SPTBN1: variants seen among roughly 807,000 people sequenced by gnomAD.
SPTBN1 encodes spectrin beta, non-erythrocytic 1.
A neutral mutation model predicts 266.4 loss-of-function variants in SPTBN1; 32 were observed. The ratio of observed to expected loss-of-function variants is 0.12; its 90% confidence interval spans 0.09 to 0.16. SPTBN1 has a LOEUF of 0.16. SPTBN1 is among the 10% of genes least tolerant of loss of function. SPTBN1 has a pLI of 1.00. For synonymous variants in SPTBN1, 1,336 were observed against 1,162.2 expected (o/e 1.15, Z -3.04); for missense variants, 2,296 against 3,067.1 (o/e 0.75, Z 5.94).
At chr2:54,535,585 C>T (rs188015663) in intron 2 of SPTBN1, among the ~76,000 whole-genome samples, 3 of 152,340 alleles carry the variant, frequency 2.0e-5, no homozygotes, top group Non-Finnish European at 4.4e-5. Flanking sequence ...TACCTTATTT[C>T]TGTCTCTGCT....
At chr2:54,461,316 C>T (rs1200943552) in intron 1 of SPTBN1, among the ~76,000 whole-genome samples, 1 of 152,120 alleles carries the variant, frequency 6.6e-6, no homozygotes, top group African/African-American at 2.4e-5. Flanking sequence ...GTATAGTATT[C>T]TAACGTGATT....
intron 2 of SPTBN1, among the ~76,000 whole-genome samples, chr2:54,563,024 G>A (rs938713441): frequency 2.0e-5 from 3 of 152,168 alleles, no homozygotes; most frequent in Non-Finnish European, 4.4e-5. Flanking sequence ...ACATACCTGT[G>A]AAGTTTTAGA....
In SPTBN1 at chr2:54,631,558, T is replaced by C. The variant is rs768973722; in HGVS notation, c.3511T>C (p.Tyr1171His). The stretch of plus-strand genomic sequence containing the variant: ...AAATCTCCTATCCCAGTCACATGCC[T>C]ACCAGCAGTTCCTCAGAGACACGAA... ...RQNLLSQSHA[Y>H]QQFLRDTKQA... Residue 1171 changes from tyrosine to histidine, a missense_variant, in exon 16 of 36, where the codon TAC becomes CAC. Coordinates refer to ENST00000356805, the MANE Select transcript of SPTBN1 (RefSeq NM_003128.3). 6.2e-7 allele frequency: 1 copy of C among 1,614,078 alleles called. No homozygotes were observed.
At chr2:54,466,982 TG>T (rs1045586715) in intron 1 of SPTBN1, among the ~76,000 whole-genome samples, 1 of 152,146 alleles carries the variant, frequency 6.6e-6, no homozygotes, top group African/African-American at 2.4e-5. Flanking sequence ...ATGCAGAGTG[TG>T]GGAAAAGCTC....
At chr2:54,472,685 A>C (rs1345944812) in intron 1 of SPTBN1, among the ~76,000 whole-genome samples, 2 of 150,070 alleles carry the variant, frequency 1.3e-5, no homozygotes, top group Non-Finnish European at 3.0e-5. Context: ...TCAAGGTTGC[A>C]GGGGGTGTGG....
intron 11 of SPTBN1, 96 bp downstream of exon 11, chr2:54,625,058 C>T (rs1308739372): frequency 1.3e-5 from 18 of 1,414,378 alleles, no homozygotes; most frequent in Middle Eastern, 2.0e-4. Context: ...AGCTGCTTAT[C>T]GACATTCATT....
At chr2:54,588,012 G>C (rs1388136094) in intron 2 of SPTBN1, among the ~76,000 whole-genome samples, 2 of 152,192 alleles carry the variant, frequency 1.3e-5, no homozygotes, top group East Asian at 3.9e-4. Context: ...GTACCTATTT[G>C]CTAAGCTGAT....
rs547586342 is a variant in SPTBN1 at position 54,630,551 on chromosome 2, A to C, written c.2808-304A>C. On this transcript the variant is annotated intron_variant, in intron 15 of 35. Coordinates refer to ENST00000356805, the MANE Select transcript of SPTBN1 (RefSeq NM_003128.3). ...CATTAGGTAGAGTTCAGAGATGTGT[A>C]AAATGTGTCACAGACATGAATTAAT... is the stretch of plus-strand genomic sequence containing the variant. 2.6e-5 allele frequency among the ~76,000 whole-genome samples: 4 copies of C among 152,362 alleles called. No homozygotes were observed. In the East Asian group the frequency reaches 7.7e-4, roughly 29 times the overall value.
chr2:54,546,663 C>T (rs1292520500), intron 2 of SPTBN1: 1 of 152,178 alleles, frequency 6.6e-6, no homozygotes, highest in Admixed American at 6.5e-5. Context: ...CTGATAAACT[C>T]TATCGCACTG....
chr2:54,611,598 C>T (rs1479186519), intron 3 of SPTBN1, among the ~76,000 whole-genome samples: 1 of 152,136 alleles, frequency 6.6e-6, no homozygotes, highest in African/African-American at 2.4e-5. Context: ...GCACTACACT[C>T]ATTTTTTTCC....
intron 7 of SPTBN1, among the ~76,000 whole-genome samples, chr2:54,618,473 G>A (rs1677779291): frequency 6.6e-6 from 1 of 152,188 alleles, no homozygotes; most frequent in South Asian, 2.1e-4. Context: ...GTATGCTTGA[G>A]GGCTAACAAT....
rs568456321 is a variant in SPTBN1, at chr2:54,489,059, G to T, written c.-48+32541G>T. ...TAATTGGCCAGACATGGTAGCTCAT[G>T]CCTGTAATCCCAGCACTTGGGGAGG... On this transcript the variant is annotated intron_variant, in intron 1 of 35. Transcript: ENST00000356805. 1.8e-3 allele frequency among the ~76,000 whole-genome samples: 273 copies of T among 151,626 alleles called. 2 individuals carry two copies. The highest frequency in any genetic ancestry group is 3.1e-3 in the Non-Finnish European group (208 of 67,952).
chr2:54,669,409 C>T lies in SPTBN1; in HGVS notation c.*840C>T, dbSNP rs1273086676. On this transcript the variant is annotated 3_prime_UTR_variant, in exon 36 of 36. Coordinates refer to ENST00000356805, the MANE Select transcript of SPTBN1 (RefSeq NM_003128.3). ...AATGTTACTCTAATGGTTACTTGCTCGTGCGTTGCCACACTGTGTTATAAT... is the reference window on the plus strand; with the variant it reads ...AATGTTACTCTAATGGTTACTTGCTTGTGCGTTGCCACACTGTGTTATAAT... 6.6e-6 allele frequency: 1 copy of T among 152,612 alleles called. No homozygotes were observed. Among genetic ancestry groups the T allele is most frequent in the African/African-American group, 2.4e-5 (1 of 41,440 alleles). The allele number at this position is 152,612 out of a possible 1,614,324, so 9.5% of individuals were successfully genotyped here. A position where few individuals can be genotyped will look rare whatever the true frequency, so the allele number is the denominator to read the frequency against.
intron 18 of SPTBN1, among the ~76,000 whole-genome samples, chr2:54,641,765 G>T (rs1193663640): frequency 1.3e-5 from 2 of 150,118 alleles, no homozygotes; most frequent in African/African-American, 2.5e-5. Flanking sequence ...GAGGGCTCCT[G>T]TGACCCACGT....
intron 28 of SPTBN1, among the ~76,000 whole-genome samples, chr2:54,655,580 G>A (rs758660467): frequency 1.3e-5 from 2 of 152,254 alleles, no homozygotes; most frequent in Non-Finnish European, 2.9e-5. Context: ...AGGTGCGTGT[G>A]TGGCCCCCTG....
intron 26 of SPTBN1, chr2:54,652,768 T>TTACA (rs1356199119): frequency 6.6e-6 from 1 of 152,248 alleles, no homozygotes; most frequent in Non-Finnish European, 1.5e-5. Flanking sequence ...AGATGACACA[T>TTACA]TACAGTATCT....
At chr2:54,644,999 T>G (rs555434712) in intron 20 of SPTBN1, among the ~76,000 whole-genome samples, 37 of 152,376 alleles carry the variant, frequency 2.4e-4, no homozygotes, top group Middle Eastern at 3.4e-3. Context: ...TAAAAATAAC[T>G]GTTTATATTA....
intron 2 of SPTBN1, among the ~76,000 whole-genome samples, chr2:54,535,305 T>A (rs1224666361): frequency 6.6e-6 from 1 of 152,236 alleles, no homozygotes. Context: ...CAGCAGTTTT[T>A]AAAATATACT....
At chr2:54,510,271 A>G (rs1229324671) in intron 1 of SPTBN1, among the ~76,000 whole-genome samples, 2 of 152,108 alleles carry the variant, frequency 1.3e-5, no homozygotes, top group African/African-American at 2.4e-5. Context: ...TCTAATAACT[A>G]CACCAGTCCT....
Sources: allele counts gnomAD v4.1 joint callset (sites outside exome capture counted in the v4.1 genomes callset), GRCh38; gene constraint gnomAD v4.1.1; transcripts MANE v1.5; gene names NCBI Gene and HGNC (gene_info 2026-07-23, HGNC 2026-07-21).